UNC79: variants seen among roughly 807,000 people sequenced by gnomAD.
UNC79 encodes the protein unc-79 subunit of NALCN channel complex, also known as protein unc-79 homolog.
UNC79 carries 37 observed loss-of-function variants against 283.1 expected under a neutral mutation model. That is an observed-to-expected ratio of 0.13 (90% CI 0.10 to 0.17). UNC79 has a LOEUF of 0.17. Among genes scored for constraint, UNC79 ranks in the 10% least tolerant of loss-of-function variants. UNC79 has a pLI of 1.00. For synonymous variants in UNC79, 1,107 were observed against 1,200.2 expected (o/e 0.92, Z 1.61); for missense variants, 2,272 against 3,211.1 (o/e 0.71, Z 7.07).
chr14:93,568,737 A>C (rs913377274), intron 14 of UNC79, among the ~76,000 whole-genome samples: 17 of 152,316 alleles, frequency 1.1e-4, no homozygotes, highest in Admixed American at 1.1e-3. Context: ...ACTAGTTTAT[A>C]TAAGAGCTCT....
chr14:93,617,142 CTT>C lies in UNC79; in HGVS notation c.4063_4064del (p.Leu1355GlyfsTer60), dbSNP rs1216557212. 1 of 1,613,094 alleles carries C rather than the reference CTT, an allele frequency of 6.2e-7. No homozygotes were observed. Among genetic ancestry groups the C allele is most frequent in the Non-Finnish European group, 8.5e-7 (1 of 1,179,462 alleles). On this transcript the variant is annotated frameshift_variant, in exon 28 of 49. Coordinates refer to ENST00000555664, the Ensembl canonical transcript of UNC79. LOFTEE classifies it high-confidence loss of function. This position sits in a 1 kb window ranked among gnomAD's most constrained non-coding sequence, Gnocchi z 4.5. ...TTCAGGTTATGGACTATAACATTAA[CTT>C]GGGAAAACACCTTCTCCCCTTAGTG...
chr14:93,378,262 C>T (rs2054600072), intron 1 of UNC79, among the ~76,000 whole-genome samples: 1 of 152,322 alleles, frequency 6.6e-6, no homozygotes, highest in Middle Eastern at 3.4e-3. Flanking sequence ...AACACACTTG[C>T]CCAGAGACCT....
At chr14:93,649,044 C>CTG (rs1234144443) in intron 35 of UNC79, among the ~76,000 whole-genome samples, 1 of 152,114 alleles carries the variant, frequency 6.6e-6, no homozygotes, top group African/African-American at 2.4e-5. Flanking sequence ...GGGACGGATG[C>CTG]TGTGTGTGAC....
At chr14:93,505,798 G>T (rs552184102) in intron 7 of UNC79, among the ~76,000 whole-genome samples, 2 of 150,456 alleles carry the variant, frequency 1.3e-5, no homozygotes, top group African/African-American at 2.4e-5. Flanking sequence ...GGCTTTGTAA[G>T]TTATTTAGTC....
At chr14:93,416,586 C>A (rs1047077524) in intron 1 of UNC79, among the ~76,000 whole-genome samples, 1 of 152,198 alleles carries the variant, frequency 6.6e-6, no homozygotes, top group Non-Finnish European at 1.5e-5. Flanking sequence ...TGTTAACTTT[C>A]TGTCTCATTG....
intron 1 of UNC79, among the ~76,000 whole-genome samples, chr14:93,443,439 C>G: frequency 2.1e-5 from 1 of 48,294 alleles, no homozygotes; most frequent in East Asian, 3.8e-4. Flanking sequence ...TTTTTTTTTT[C>G]TCAAGACGGA....
intron 1 of UNC79, among the ~76,000 whole-genome samples, chr14:93,349,260 T>C (rs1024918043): frequency 1.3e-5 from 2 of 152,178 alleles, no homozygotes; most frequent in African/African-American, 4.8e-5. Flanking sequence ...ACAGCAGATA[T>C]ACCAATTGTG....
intron 23 of UNC79, among the ~76,000 whole-genome samples, chr14:93,594,625 C>T (rs2141963738): frequency 6.6e-6 from 1 of 152,282 alleles, no homozygotes; most frequent in South Asian, 2.1e-4. Context: ...ACCCTTGCCA[C>T]TGAGGGATCA....
At chr14:93,349,219 A>G (rs1439980415) in intron 1 of UNC79, among the ~76,000 whole-genome samples, 1 of 152,198 alleles carries the variant, frequency 6.6e-6, no homozygotes. Context: ...GGGACCAAGA[A>G]CCCACCAATT....
chr14:93,661,765 C>T (rs2071623984), intron 39 of UNC79, among the ~76,000 whole-genome samples: 2 of 152,138 alleles, frequency 1.3e-5, no homozygotes, highest in African/African-American at 4.8e-5. Context: ...TCATAACTTG[C>T]ACCCTAATGA....
At chr14:93,534,114 T>C (rs1471881542) in intron 11 of UNC79, among the ~76,000 whole-genome samples, 1 of 152,208 alleles carries the variant, frequency 6.6e-6, no homozygotes, top group Non-Finnish European at 1.5e-5. Context: ...GGAAAGCAGA[T>C]AGCAGTCATT....
At chr14:93,641,331 C>T (rs189473323) in intron 33 of UNC79, 84 bp downstream of exon 36, 167 of 1,347,962 alleles carry the variant, frequency 1.2e-4, no homozygotes, top group Non-Finnish European at 1.6e-4. Context: ...TCAGAAAAAG[C>T]ATGCTTTGCT....
intron 47 of UNC79, among the ~76,000 whole-genome samples, chr14:93,697,372 G>C (rs997871495): frequency 6.6e-6 from 1 of 152,078 alleles, no homozygotes; most frequent in African/African-American, 2.4e-5. Context: ...CTGACCTCAG[G>C]TGATCTGCCC....
chr14:93,613,189 A>T (rs959007390), intron 27 of UNC79, 106 bp downstream of exon 28: 4 of 1,453,072 alleles, frequency 2.8e-6, no homozygotes, highest in Non-Finnish European at 3.7e-6. Flanking sequence ...GGTTTGTACA[A>T]ATTGCTTGGT....
At chr14:93,336,299 T>C (rs1165677468) in intron 1 of UNC79, among the ~76,000 whole-genome samples, 1 of 152,214 alleles carries the variant, frequency 6.6e-6, no homozygotes, top group Non-Finnish European at 1.5e-5. Context: ...GATAAGTACC[T>C]TGTAGATGCT....
intron 1 of UNC79, among the ~76,000 whole-genome samples, chr14:93,361,856 AG>A (rs1399045755): frequency 6.6e-6 from 1 of 152,120 alleles, no homozygotes; most frequent in African/African-American, 2.4e-5. Flanking sequence ...AATTATTTTG[AG>A]GTATGTTCCT....
At chr14:93,371,336 A>T (rs1343924883) in intron 1 of UNC79, among the ~76,000 whole-genome samples, 1 of 150,966 alleles carries the variant, frequency 6.6e-6, no homozygotes, top group Non-Finnish European at 1.5e-5. Flanking sequence ...GCAGTGAGCC[A>T]AGATCGCACC....
At chr14:93,606,898 G>A (rs922416588) in intron 26 of UNC79, among the ~76,000 whole-genome samples, 1 of 152,164 alleles carries the variant, frequency 6.6e-6, no homozygotes, top group Admixed American at 6.5e-5. Flanking sequence ...TGAAACATTA[G>A]TGATGTGTTA....
intron 27 of UNC79, among the ~76,000 whole-genome samples, chr14:93,616,691 T>C (rs1205152546): frequency 6.6e-6 from 1 of 152,120 alleles, no homozygotes; most frequent in African/African-American, 2.4e-5. Context: ...TGAATATATA[T>C]TACTAAATTG....
Sources: gnomAD v4.1 joint callset for allele counts (sites outside exome capture counted in the v4.1 genomes callset) on GRCh38, gnomAD v4.1.1 for gene constraint, Gnocchi (gnomAD v3.1) non-coding constraint, MANE v1.5 for transcripts, NCBI Gene and HGNC (gene_info 2026-07-23, HGNC 2026-07-21) for gene names.